Variants in RSF1 observed in about 807,000 individuals in gnomAD.
RSF1 encodes the protein remodeling and spacing factor 1, also known as HBV pX-associated protein 8.
RSF1 carries 13 observed loss-of-function variants against 145.2 expected under a neutral mutation model. That is an observed-to-expected ratio of 0.09 (90% CI 0.06 to 0.14). The LOEUF (loss-of-function observed/expected upper bound fraction) is 0.14, where lower values mean the gene tolerates loss of function less well. Ranked by LOEUF, RSF1 falls within the 10% of genes least tolerant of loss-of-function variation. RSF1 has a pLI of 1.00. For synonymous variants in RSF1, 577 were observed against 592.6 expected (o/e 0.97, Z 0.38); for missense variants, 1,517 against 1,718.2 (o/e 0.88, Z 2.07).
chr11:77,675,603 A>G (rs1959680768), intron 13 of RSF1, among the ~76,000 whole-genome samples: 2 of 152,164 alleles, frequency 1.3e-5, no homozygotes, highest in Non-Finnish European at 2.9e-5. Context: ...CTCATCCGGT[A>G]ACTCCAACCA....
rs370541961 is a variant in RSF1, at chr11:77,677,980, C to T, written c.3133+106G>A. On this transcript the variant is annotated intron_variant, in intron 12 of 15. Coordinates refer to ENST00000308488, the MANE Select transcript of RSF1 (RefSeq NM_016578.4). ...ACTAACATCAGTACTAATCATGATA[C>T]ATAACGGGAAAGAGAATAAAAACAT... 19 of 765,182 alleles carry T rather than the reference C, an allele frequency of 2.5e-5. No individual in the cohort carries two copies. In the African/African-American group the frequency reaches 2.9e-4, roughly 12 times the overall value. The allele number at this position is 765,182 out of a possible 1,614,324, so 47.4% of individuals were successfully genotyped here.
chr11:77,750,058 C>T (rs1948045330), intron 2 of RSF1, among the ~76,000 whole-genome samples: 1 of 151,490 alleles, frequency 6.6e-6, no homozygotes, highest in South Asian at 2.1e-4. Context: ...TTTTGTATTT[C>T]TTTAAGGGCA....
At position 77,701,639 on chromosome 11, in the gene RSF1, C is replaced by T. The variant is rs1319008329; in HGVS notation, c.1590G>A (p.Glu530=). The T allele has an allele frequency of 1.2e-6, 2 of 1,614,052 alleles. No individual in the cohort carries two copies. Among genetic ancestry groups the T allele is most frequent in the African/African-American group, 2.7e-5 (2 of 75,014 alleles). Residue 530 remains glutamate (E), a synonymous_variant, in exon 6 of 16, where the codon GAG becomes GAA. Coordinates refer to ENST00000308488, the MANE Select transcript of RSF1 (RefSeq NM_016578.4). ...LEIHSQKAQI[E]EPDPPEMETS... is the part of the protein sequence containing the mutation. ...TTTCCATTTCTGGAGGATCGGGTTC[C>T]TCTATTTGTGCTTTTTGACTATGGA... is the stretch of plus-strand genomic sequence containing the variant.
chr11:77,801,539 T>C (rs773492012), intron 1 of RSF1, among the ~76,000 whole-genome samples: 1 of 152,170 alleles, frequency 6.6e-6, no homozygotes, highest in Non-Finnish European at 1.5e-5. Context: ...TCTTTTGTTC[T>C]AATATGTGCT....
chr11:77,787,494 C>T (rs1948468823), intron 1 of RSF1, among the ~76,000 whole-genome samples: 1 of 152,078 alleles, frequency 6.6e-6, no homozygotes, highest in South Asian at 2.1e-4. Flanking sequence ...TTTATGGTTG[C>T]TTTTACACTA....
the RSF1 span, chr11:77,842,513 T>C: frequency 9.9e-6 from 16 of 1,613,894 alleles, no homozygotes; most frequent in Non-Finnish European, 1.3e-5. Context: ...TCCCCTGAAA[T>C]TGCTTCCTTA....
At chr11:77,768,442 T>C (rs1382136901) in intron 1 of RSF1, among the ~76,000 whole-genome samples, 1 of 152,076 alleles carries the variant, frequency 6.6e-6, no homozygotes, top group Non-Finnish European at 1.5e-5. Context: ...TTACAGGTGT[T>C]GAGCCACTGC....
intron 1 of RSF1, among the ~76,000 whole-genome samples, chr11:77,781,791 A>G (rs1948407098): frequency 6.6e-6 from 1 of 152,208 alleles, no homozygotes; most frequent in South Asian, 2.1e-4. Context: ...ATTTCCAGTT[A>G]TAACTGCATT....
At chr11:77,820,819 G>T, upstream of RSF1, 1 of 1,203,372 alleles carries the variant, frequency 8.3e-7, no homozygotes, top group Non-Finnish European at 1.1e-6. Context: ...CTCTCAAGTG[G>T]GCTCCTCTGC....
chr11:77,846,186 G>T, the RSF1 span, among the ~76,000 whole-genome samples: 1 of 152,306 alleles, frequency 6.6e-6, no homozygotes, highest in East Asian at 1.9e-4. Flanking sequence ...TTACCTTAGT[G>T]ATGAGCTAAT....
At chr11:77,869,076 A>C in the RSF1 span, 1 of 299,896 alleles carries the variant, frequency 3.3e-6, no homozygotes, top group Non-Finnish European at 6.4e-6. Context: ...TGATGTCTAC[A>C]GTATCACCTG....
At chr11:77,709,538 G>A (rs1004189916) in intron 5 of RSF1, among the ~76,000 whole-genome samples, 1 of 152,086 alleles carries the variant, frequency 6.6e-6, no homozygotes, top group Non-Finnish European at 1.5e-5. Flanking sequence ...AAACTTTCAC[G>A]ATTTTGAAAA....
intron 1 of RSF1, among the ~76,000 whole-genome samples, chr11:77,819,777 G>A (rs1948828242): frequency 6.6e-6 from 1 of 152,100 alleles, no homozygotes; most frequent in Admixed American, 6.5e-5. Context: ...GGGGGAGGTG[G>A]GGAGAGGAAG....
intron 15 of RSF1, among the ~76,000 whole-genome samples, chr11:77,668,370 T>G (rs2135806241): frequency 6.6e-6 from 1 of 152,366 alleles, no homozygotes; most frequent in East Asian, 1.9e-4. Flanking sequence ...TAGTTCAAAC[T>G]AACAAACTCC....
the RSF1 span, among the ~76,000 whole-genome samples, chr11:77,853,039 A>G: frequency 6.6e-6 from 1 of 152,212 alleles, no homozygotes; most frequent in African/African-American, 2.4e-5. Context: ...GAAAGTGTAT[A>G]TCCAGGGTAA....
the RSF1 span, among the ~76,000 whole-genome samples, chr11:77,859,237 G>T: frequency 6.6e-6 from 1 of 152,150 alleles, no homozygotes; most frequent in East Asian, 1.9e-4. Flanking sequence ...CATATTAGGG[G>T]TCCTTCTATA....
the RSF1 span, among the ~76,000 whole-genome samples, chr11:77,864,483 T>A: frequency 6.6e-6 from 1 of 152,122 alleles, no homozygotes; most frequent in African/African-American, 2.4e-5. Flanking sequence ...TTATTCTTGA[T>A]TGAGAACCAG....
chr11:77,800,137 G>A (rs1304154520), intron 1 of RSF1, among the ~76,000 whole-genome samples: 3 of 152,046 alleles, frequency 2.0e-5, no homozygotes, highest in East Asian at 1.9e-4. Flanking sequence ...TCCAACCTGG[G>A]TGACGTGGCA....
At chr11:77,813,149 C>T (rs1948746746) in intron 1 of RSF1, among the ~76,000 whole-genome samples, 1 of 152,046 alleles carries the variant, frequency 6.6e-6, no homozygotes, top group Admixed American at 6.6e-5. Context: ...ATATCTTACA[C>T]AACTTACTTT....
Sources: gnomAD v4.1 joint callset for allele counts (sites outside exome capture counted in the v4.1 genomes callset) on GRCh38, gnomAD v4.1.1 for gene constraint, MANE v1.5 for transcripts, NCBI Gene and HGNC (gene_info 2026-07-23, HGNC 2026-07-21) for gene names.